SEMA6D: variants seen among roughly 807,000 people sequenced by gnomAD.
The protein encoded by SEMA6D is semaphorin 6D, also known as semaphorin-6D.
SEMA6D carries 35 observed loss-of-function variants against 106.6 expected under a neutral mutation model. The observed-to-expected ratio is 0.33, with a 90% CI of 0.25 to 0.44. The LOEUF is 0.44. Among genes scored for constraint, SEMA6D ranks in the 20% least tolerant of loss-of-function variants. SEMA6D has a pLI of 1.00. For synonymous variants in SEMA6D, 499 were observed against 487.7 expected (o/e 1.02, Z -0.31); for missense variants, 1,185 against 1,345.9 (o/e 0.88, Z 1.87).
intron 3 of SEMA6D, among the ~76,000 whole-genome samples, chr15:47,544,841 G>A (rs1021954989): frequency 6.6e-6 from 1 of 152,050 alleles, no homozygotes; most frequent in Non-Finnish European, 1.5e-5. Flanking sequence ...TACAATTATA[G>A]CCTAAAGCAA....
chr15:47,507,629 T>C (rs1398174296), intron 3 of SEMA6D, among the ~76,000 whole-genome samples: 1 of 152,214 alleles, frequency 6.6e-6, no homozygotes. Context: ...AAATCTTGGT[T>C]TCCAATTGTT....
intron 3 of SEMA6D, among the ~76,000 whole-genome samples, chr15:47,580,382 C>T (rs2076234792): frequency 1.3e-5 from 2 of 152,144 alleles, no homozygotes; most frequent in Admixed American, 6.6e-5. Flanking sequence ...GTAATGAATA[C>T]AGTTAGAGAC....
Position 47,760,556 on chromosome 15 carries a change from C to T in SEMA6D, c.221+141C>T. On this transcript the variant is annotated intron_variant, in intron 3 of 18. Coordinates refer to ENST00000536845, the MANE Select transcript of SEMA6D (RefSeq NM_001358351.3). ...GCCAGAAATATTCACTGAGAAGAGTCAGTGTTGTGTACCGGGAACAAAATA... is the reference window on the plus strand; with the variant it reads ...GCCAGAAATATTCACTGAGAAGAGTTAGTGTTGTGTACCGGGAACAAAATA... 4.6e-6 allele frequency: 3 copies of T among 657,142 alleles called. No individual in the cohort carries two copies. The South Asian group carries it at 5.9e-5, about 13-fold the overall frequency. The allele number at this position is 657,142 out of a possible 1,614,324, so 40.7% of individuals were successfully genotyped here. A position where few individuals can be genotyped will look rare whatever the true frequency, so the allele number is the denominator to read the frequency against.
intron 4 of SEMA6D, among the ~76,000 whole-genome samples, chr15:47,668,452 G>A (rs1293798086): frequency 6.6e-6 from 1 of 152,072 alleles, no homozygotes; most frequent in Non-Finnish European, 1.5e-5. Context: ...TAATATATGA[G>A]CTCTATTCTG....
chr15:47,545,380 A>G lies in SEMA6D; in HGVS notation c.-86-55485A>G, dbSNP rs149778449. The stretch of plus-strand genomic sequence containing the variant: ...CCTATTCTGGATCAGATGACCAATT[A>G]CTAAGGTTGTTGGTTGTCTGTCCTG... On this transcript the variant is annotated intron_variant, in intron 3 of 19. Coordinates refer to the SEMA6D transcript ENST00000558014. Among the ~76,000 whole-genome samples, 517 of 152,290 alleles carry G rather than the reference A, an allele frequency of 3.4e-3. 3 individuals are homozygous for G. Among genetic ancestry groups the G allele is most frequent in the African/African-American group, 0.012 (496 of 41,572 alleles).
intron 3 of SEMA6D, among the ~76,000 whole-genome samples, chr15:47,583,941 A>C (rs1490822304): frequency 1.3e-5 from 2 of 152,146 alleles, no homozygotes; most frequent in Non-Finnish European, 2.9e-5. Context: ...ACAATGAGCA[A>C]GTGCAGTCTC....
chr15:47,649,662 G>A (rs1469141910), intron 4 of SEMA6D, among the ~76,000 whole-genome samples: 2 of 152,060 alleles, frequency 1.3e-5, no homozygotes, highest in African/African-American at 4.8e-5. Context: ...AGAAAGAGAG[G>A]GGAGGAGAGA....
rs1312172241 is a variant in SEMA6D, at chr15:47,763,851, C to G, written c.749C>G (p.Ala250Gly). 1 of 1,612,558 alleles carries G rather than the reference C, an allele frequency of 6.2e-7. No individual in the cohort carries two copies. The highest frequency in any genetic ancestry group is 1.7e-5 in the Admixed American group (1 of 60,008). The change falls in exon 10 of 19, where the codon GCT (alanine) becomes GGT (glycine). Residue 250 changes from alanine to glycine, a missense_variant and splice_region_variant. Coordinates refer to ENST00000536845, the MANE Select transcript of SEMA6D (RefSeq NM_001358351.3). ...IAVEHNNLGK[A>G]VYSRVARICK... ...GCTTTGCTTCTATCCGTTGGGCAGG[C>G]TGTGTATTCCCGCGTGGCCCGCATA...
chr15:47,289,045 G>A (rs1395439504), intron 1 of SEMA6D, among the ~76,000 whole-genome samples: 1 of 152,116 alleles, frequency 6.6e-6, no homozygotes. Context: ...CCAAGGTGAA[G>A]ATTAAATGAG....
chr15:47,450,740 G>T (rs1230402713), intron 2 of SEMA6D, among the ~76,000 whole-genome samples: 3 of 152,088 alleles, frequency 2.0e-5, no homozygotes, highest in Admixed American at 1.3e-4. Context: ...GAGCACAAAG[G>T]TACAATCTGG....
At chr15:47,201,289 A>G (rs1304561808) in intron 1 of SEMA6D, among the ~76,000 whole-genome samples, 3 of 152,224 alleles carry the variant, frequency 2.0e-5, no homozygotes, top group Non-Finnish European at 4.4e-5. Context: ...CATTACAGAC[A>G]TCTCTACCAT....
At chr15:47,368,585 C>T (rs577727733) in intron 1 of SEMA6D, among the ~76,000 whole-genome samples, 112 of 152,072 alleles carry the variant, frequency 7.4e-4, no homozygotes, top group Admixed American at 5.4e-3. Context: ...ATTCTCCTGC[C>T]TCAGCCTCCC....
intron 4 of SEMA6D, among the ~76,000 whole-genome samples, chr15:47,696,303 T>A (rs184900075): frequency 6.6e-6 from 1 of 152,300 alleles, no homozygotes; most frequent in Admixed American, 6.5e-5. Context: ...CAAGCCAAAG[T>A]TGTCTCACAT....
chr15:47,760,532 C>A (rs2082002755), intron 3 of SEMA6D, 117 bp downstream of exon 3: 2 of 744,982 alleles, frequency 2.7e-6, no homozygotes, highest in African/African-American at 3.6e-5. Context: ...TTGCAAGTAG[C>A]CAGAAATATT....
intron 1 of SEMA6D, among the ~76,000 whole-genome samples, chr15:47,297,117 G>T (rs1444515050): frequency 6.6e-6 from 1 of 152,056 alleles, no homozygotes; most frequent in Non-Finnish European, 1.5e-5. Flanking sequence ...AAGCCAGTTT[G>T]GTGAATAGAT....
chr15:47,755,387 C>G (rs2081659580), intron 1 of SEMA6D, among the ~76,000 whole-genome samples: 1 of 151,972 alleles, frequency 6.6e-6, no homozygotes, highest in African/African-American at 2.4e-5. Context: ...TCTGGGTTAC[C>G]TGTGGGCCTA....
chr15:47,453,214 G>T (rs1461390824), intron 2 of SEMA6D, among the ~76,000 whole-genome samples: 1 of 151,366 alleles, frequency 6.6e-6, no homozygotes, highest in Non-Finnish European at 1.5e-5. Flanking sequence ...TTCCCAAAAG[G>T]TCATGGAGAG....
chr15:47,685,210 C>A (rs2078443557), intron 4 of SEMA6D, among the ~76,000 whole-genome samples: 1 of 152,128 alleles, frequency 6.6e-6, no homozygotes, highest in Non-Finnish European at 1.5e-5. Context: ...CATATTTTAT[C>A]CTAAAATTCA....
chr15:47,294,610 T>C (rs2035732943), intron 1 of SEMA6D, among the ~76,000 whole-genome samples: 1 of 152,124 alleles, frequency 6.6e-6, no homozygotes, highest in African/African-American at 2.4e-5. Context: ...CCTCCTGAGG[T>C]AGGAAAAGAA....
Sources: gnomAD v4.1 joint callset for allele counts (sites outside exome capture counted in the v4.1 genomes callset) on GRCh38, gnomAD v4.1.1 for gene constraint, MANE v1.5 for transcripts, NCBI Gene and HGNC (gene_info 2026-07-23, HGNC 2026-07-21) for gene names.